The following ARB2A variants were observed in gnomAD, a reference collection of about 807,000 sequenced individuals.
The protein encoded by ARB2A is cotranscriptional regulator ARB2A.
the ARB2A span, among the ~76,000 whole-genome samples, chr5:94,091,424 T>C: frequency 5.3e-5 from 8 of 152,190 alleles, no homozygotes; most frequent in Non-Finnish European, 2.9e-5. Flanking sequence ...ATTGGCCACC[T>C]TGAAGAAAGT....
At chr5:93,706,944 A>G in the ARB2A span, among the ~76,000 whole-genome samples, 2 of 152,112 alleles carry the variant, frequency 1.3e-5, no homozygotes, top group African/African-American at 4.8e-5. Flanking sequence ...AATGAAATCA[A>G]TTTCTACTGA....
chr5:93,870,145 A>G, the ARB2A span, among the ~76,000 whole-genome samples: 1 of 152,214 alleles, frequency 6.6e-6, no homozygotes, highest in Non-Finnish European at 1.5e-5. Context: ...GATCAGTAGA[A>G]AACAAATTCT....
the ARB2A span, among the ~76,000 whole-genome samples, chr5:93,828,441 C>T: frequency 2.0e-5 from 3 of 152,094 alleles, no homozygotes; most frequent in Admixed American, 1.3e-4. Context: ...TCTGTTATTT[C>T]TCTTTCTCCC....
the ARB2A span, among the ~76,000 whole-genome samples, chr5:93,664,913 G>A: frequency 2.0e-5 from 3 of 151,880 alleles, no homozygotes; most frequent in Non-Finnish European, 4.4e-5. Flanking sequence ...TGCAACTTCC[G>A]CCTCCCAGGC....
At chr5:93,679,286 C>CA in the ARB2A span, among the ~76,000 whole-genome samples, 1,982 of 140,868 alleles carry the variant, frequency 0.014, 40 homozygotes, top group African/African-American at 0.046. Flanking sequence ...ATTTTTAAAG[C>CA]AAAAAAAAAA....
the ARB2A span, among the ~76,000 whole-genome samples, chr5:93,822,649 GCT>G: frequency 6.6e-6 from 1 of 151,340 alleles, no homozygotes; most frequent in Non-Finnish European, 1.5e-5. Context: ...TATCTATATA[GCT>G]ATATATTTAT....
the ARB2A span, among the ~76,000 whole-genome samples, chr5:93,848,977 AC>A: frequency 2.6e-5 from 4 of 152,230 alleles, no homozygotes; most frequent in East Asian, 7.7e-4. Flanking sequence ...GCCTTTCAAC[AC>A]CCTGCCTCTG....
the ARB2A span, among the ~76,000 whole-genome samples, chr5:93,901,910 T>C: frequency 6.6e-6 from 1 of 152,028 alleles, no homozygotes; most frequent in Non-Finnish European, 1.5e-5. Context: ...GGAAGTTAAA[T>C]GATACTCAGG....
the ARB2A span, among the ~76,000 whole-genome samples, chr5:94,107,405 A>C: frequency 1.2e-4 from 19 of 152,094 alleles, no homozygotes; most frequent in African/African-American, 4.6e-4. Flanking sequence ...ATTGTCATAC[A>C]ATTTTTCATT....
At chr5:94,054,976 T>G in the ARB2A span, among the ~76,000 whole-genome samples, 1 of 152,174 alleles carries the variant, frequency 6.6e-6, no homozygotes, top group Non-Finnish European at 1.5e-5. Context: ...TTTCATGCAC[T>G]TCCTTACTTT....
chr5:94,000,433 A>C, the ARB2A span, among the ~76,000 whole-genome samples: 2 of 151,950 alleles, frequency 1.3e-5, no homozygotes, highest in African/African-American at 2.4e-5. Context: ...ACATCTTTTC[A>C]TATGTTTATT....
the ARB2A span, among the ~76,000 whole-genome samples, chr5:93,819,895 G>A: frequency 6.6e-6 from 1 of 152,210 alleles, no homozygotes; most frequent in Admixed American, 6.5e-5. Context: ...GGAAAATAGA[G>A]TTCCCTTCAT....
At chr5:93,784,838 G>A in the ARB2A span, among the ~76,000 whole-genome samples, 1 of 152,148 alleles carries the variant, frequency 6.6e-6, no homozygotes, top group African/African-American at 2.4e-5. Flanking sequence ...CTATTTCAGT[G>A]CTTCAGGGAA....
chr5:93,765,476 T>A, the ARB2A span, among the ~76,000 whole-genome samples: 1 of 152,046 alleles, frequency 6.6e-6, no homozygotes, highest in South Asian at 2.1e-4. Context: ...TACCTAGGAA[T>A]CCAACTTGCA....
the ARB2A span, among the ~76,000 whole-genome samples, chr5:93,774,844 T>C: frequency 2.0e-5 from 3 of 152,212 alleles, no homozygotes; most frequent in African/African-American, 4.8e-5. Flanking sequence ...AAACCAAGTT[T>C]ACATATTGAT....
chr5:93,714,988 A>T, the ARB2A span, among the ~76,000 whole-genome samples: 2 of 152,176 alleles, frequency 1.3e-5, no homozygotes, highest in Non-Finnish European at 2.9e-5. Flanking sequence ...TGTTTTACAT[A>T]AAAAATTTAG....
At chr5:94,074,431 T>C in the ARB2A span, among the ~76,000 whole-genome samples, 88 of 152,236 alleles carry the variant, frequency 5.8e-4, no homozygotes, top group South Asian at 8.7e-3. Flanking sequence ...TAATAATTCT[T>C]ATAGATGCAA....
At chr5:94,059,753 A>G in the ARB2A span, among the ~76,000 whole-genome samples, 2 of 152,008 alleles carry the variant, frequency 1.3e-5, no homozygotes, top group African/African-American at 2.4e-5. Flanking sequence ...ACTAAAAAAA[A>G]AAAGTCCATC....
chr5:93,782,960 A>G, the ARB2A span, among the ~76,000 whole-genome samples: 1 of 152,162 alleles, frequency 6.6e-6, no homozygotes, highest in Non-Finnish European at 1.5e-5. Flanking sequence ...GGCAGGCTTG[A>G]TTAAATTATG....
Sources: allele counts gnomAD v4.1 joint callset (sites outside exome capture counted in the v4.1 genomes callset), GRCh38; gene constraint gnomAD v4.1.1; transcripts MANE v1.5; gene names NCBI Gene and HGNC (gene_info 2026-07-23, HGNC 2026-07-21).